The following ATXN1 variants were observed in gnomAD, a reference collection of about 807,000 sequenced individuals.
ATXN1 encodes ataxin 1, also known as ataxin-1.
ATXN1 carries 8 observed loss-of-function variants against 56.4 expected under a neutral mutation model. The ratio of observed to expected loss-of-function variants is 0.14; its 90% CI spans 0.08 to 0.26. The LOEUF is 0.26. ATXN1 is among the 10% of genes least tolerant of loss of function. The pLI is 1.00. For missense variants in ATXN1, 987 were observed against 1,106.5 expected (o/e 0.89, Z 1.53); for synonymous variants, 514 against 494.6 (o/e 1.04, Z -0.52).
chr6:16,384,457 T>C (rs1469285037), intron 6 of ATXN1, among the ~76,000 whole-genome samples: 4 of 152,208 alleles, frequency 2.6e-5, no homozygotes, highest in Admixed American at 1.3e-4. Context: ...AAATGAGTGA[T>C]CACCAACTGC....
At chr6:16,458,108 C>T (rs889582687) in intron 6 of ATXN1, among the ~76,000 whole-genome samples, 7 of 152,160 alleles carry the variant, frequency 4.6e-5, no homozygotes, top group East Asian at 1.9e-4. Flanking sequence ...AGCTGCAGCC[C>T]GAGAATTTGG....
At chr6:16,542,076 A>G (rs536038048) in intron 4 of ATXN1, among the ~76,000 whole-genome samples, 208 of 152,142 alleles carry the variant, frequency 1.4e-3, no homozygotes, top group Non-Finnish European at 2.0e-3. Context: ...GAATTACTTG[A>G]AGGCTTGTCA....
chr6:16,694,387 G>A (rs924662962), intron 2 of ATXN1, among the ~76,000 whole-genome samples: 6 of 151,854 alleles, frequency 4.0e-5, no homozygotes, highest in African/African-American at 4.8e-5. Context: ...CCAAGTAGCT[G>A]GGATTACAGG....
At chr6:16,340,828 G>A (rs956130197) in intron 6 of ATXN1, among the ~76,000 whole-genome samples, 2 of 152,152 alleles carry the variant, frequency 1.3e-5, no homozygotes, top group African/African-American at 4.8e-5. Context: ...CCCAAACTGT[G>A]GCCAGGGAAC....
At chr6:16,424,315 C>T (rs1161670869) in intron 6 of ATXN1, among the ~76,000 whole-genome samples, 3 of 152,128 alleles carry the variant, frequency 2.0e-5, no homozygotes, top group South Asian at 2.1e-4. Context: ...ATGGAGCCTG[C>T]GTGCACAAAC....
intron 3 of ATXN1, among the ~76,000 whole-genome samples, chr6:16,642,146 GGGAGGCCGA>G (rs1763717017): frequency 6.6e-6 from 1 of 152,214 alleles, no homozygotes. Flanking sequence ...TCAGCACTTT[GGGAGGCCGA>G]GGCAGGGGAA....
At chr6:16,513,059 A>G (rs1045084935) in intron 5 of ATXN1, among the ~76,000 whole-genome samples, 6 of 152,256 alleles carry the variant, frequency 3.9e-5, no homozygotes, top group African/African-American at 1.4e-4. Context: ...ACATTTCAAA[A>G]GTTCAGCCAA....
At chr6:16,467,745 T>C (rs1029088394) in intron 6 of ATXN1, among the ~76,000 whole-genome samples, 1 of 152,216 alleles carries the variant, frequency 6.6e-6, no homozygotes, top group Non-Finnish European at 1.5e-5. Context: ...TCCTATTGCA[T>C]TAATGTAGGA....
chr6:16,677,723 A>T (rs1165383573), intron 2 of ATXN1, among the ~76,000 whole-genome samples: 1 of 152,230 alleles, frequency 6.6e-6, no homozygotes, highest in Non-Finnish European at 1.5e-5. Flanking sequence ...TTAAGCAGCT[A>T]AATGTTCACC....
intron 3 of ATXN1, among the ~76,000 whole-genome samples, chr6:16,644,014 A>G (rs1763756375): frequency 6.6e-6 from 1 of 152,216 alleles, no homozygotes; most frequent in African/African-American, 2.4e-5. Context: ...AAGGACAAAT[A>G]TTGTATGATT....
At chr6:16,754,433 G>A (rs1227632501) in intron 1 of ATXN1, among the ~76,000 whole-genome samples, 1 of 152,188 alleles carries the variant, frequency 6.6e-6, no homozygotes, top group Non-Finnish European at 1.5e-5. Context: ...CTGGAGCTAT[G>A]AATATGATCT....
At chr6:16,416,091 C>CAAAAA (rs372133593) in intron 6 of ATXN1, among the ~76,000 whole-genome samples, 4 of 110,536 alleles carry the variant, frequency 3.6e-5, no homozygotes, top group Admixed American at 1.9e-4. Context: ...ACCAAGCTTT[C>CAAAAA]AAAAAAAAAA....
At chr6:16,332,469 T>C (rs550323427) in intron 6 of ATXN1, among the ~76,000 whole-genome samples, 5 of 152,336 alleles carry the variant, frequency 3.3e-5, no homozygotes, top group Non-Finnish European at 5.9e-5. Flanking sequence ...GAGTCTCTAG[T>C]TGCAGACAAC....
intron 1 of ATXN1, among the ~76,000 whole-genome samples, chr6:16,757,690 C>T (rs898326063): frequency 3.3e-5 from 5 of 152,146 alleles, no homozygotes; most frequent in Non-Finnish European, 5.9e-5. Flanking sequence ...GACTGGCAGT[C>T]ACAACTAAAT....
chr6:16,419,714 C>T (rs1446664608), intron 6 of ATXN1, among the ~76,000 whole-genome samples: 3 of 152,162 alleles, frequency 2.0e-5, no homozygotes, highest in African/African-American at 4.8e-5. Context: ...GACACTGCTA[C>T]ATGTGCATGC....
intron 4 of ATXN1, among the ~76,000 whole-genome samples, chr6:16,547,765 G>A (rs1357704296): frequency 1.3e-5 from 2 of 152,072 alleles, no homozygotes; most frequent in Non-Finnish European, 2.9e-5. Context: ...GGCTATCTCT[G>A]AGCCCAAGTT....
At position 16,306,968 on chromosome 6, in the gene ATXN1, C is replaced by A. The variant is rs1201046638; in HGVS notation, c.1918-109G>T. The A allele has an allele frequency of 2.3e-6, 3 of 1,279,348 alleles. No homozygotes were observed. The highest frequency in any genetic ancestry group is 3.2e-6 in the Non-Finnish European group (3 of 947,396). 79.2% of individuals were successfully genotyped at this position (1,279,348 alleles called of 1,614,324 possible). On this transcript the variant is annotated intron_variant, in intron 7 of 7. Transcript: ENST00000436367. The surrounding 1 kb of genome is among the most constrained non-coding windows in gnomAD (Gnocchi z 5.2). ...ACACAGGTATGAACTCACACAGACACACACAGGCTGAATGGGGGAAAATGA... is the reference window on the plus strand; with the variant it reads ...ACACAGGTATGAACTCACACAGACAAACACAGGCTGAATGGGGGAAAATGA...
At chr6:16,702,459 G>A (rs1008654316) in intron 2 of ATXN1, among the ~76,000 whole-genome samples, 21 of 152,056 alleles carry the variant, frequency 1.4e-4, no homozygotes, top group Admixed American at 8.5e-4. Context: ...CAAAAGCAAT[G>A]GCAACAAAAG....
chr6:16,573,840 T>C (rs994303136), intron 4 of ATXN1, among the ~76,000 whole-genome samples: 34 of 152,300 alleles, frequency 2.2e-4, no homozygotes, highest in African/African-American at 6.7e-4. Flanking sequence ...CTACACATCC[T>C]GTTAAGGTCC....
Sources: allele counts gnomAD v4.1 joint callset (sites outside exome capture counted in the v4.1 genomes callset), GRCh38; gene constraint gnomAD v4.1.1; non-coding constraint Gnocchi (gnomAD v3.1); transcripts MANE v1.5; gene names NCBI Gene and HGNC (gene_info 2026-07-23, HGNC 2026-07-21).